FGF12: variants seen among roughly 807,000 people sequenced by gnomAD.
FGF12 encodes fibroblast growth factor 12B.
A neutral mutation model predicts 23.6 loss-of-function variants in FGF12; 14 were observed. That is an observed-to-expected ratio of 0.59 (90% confidence interval 0.39 to 0.93). The LOEUF (loss-of-function observed/expected upper bound fraction) is 0.93. Among genes scored for constraint, FGF12 ranks in the 40% least tolerant of loss-of-function variants. FGF12 has a pLI of 0.00. For synonymous variants in FGF12, 62 were observed against 77.3 expected (o/e 0.80, Z 1.04); for missense variants, 175 against 217.8 (o/e 0.80, Z 1.24).
intron 2 of FGF12, among the ~76,000 whole-genome samples, chr3:192,726,059 C>A (rs1411504212): frequency 1.3e-5 from 2 of 152,128 alleles, no homozygotes; most frequent in African/African-American, 4.8e-5. Context: ...TTAAATCTAC[C>A]AATTAAATAC....
chr3:192,595,866 G>A lies in FGF12; in HGVS notation c.13+131315C>T, dbSNP rs564062925. ...TCCCAGTACTTTGGGAGGCTGAGGT[G>A]GGTGGATTACTTGAGCTAAAGTTCA... On this transcript the variant is annotated intron_variant, in intron 2 of 5. Transcript: ENST00000445105. Among the ~76,000 whole-genome samples the A allele has an allele frequency of 8.5e-5, 13 of 152,152 alleles. No homozygotes were observed. The South Asian group carries it at 2.7e-3, about 32-fold the overall frequency.
intron 4 of FGF12, among the ~76,000 whole-genome samples, chr3:192,183,699 T>A (rs1716303653): frequency 6.6e-6 from 1 of 152,210 alleles, no homozygotes; most frequent in Admixed American, 6.5e-5. Context: ...CATCATAGAA[T>A]CCTTGAAATC....
intron 4 of FGF12, among the ~76,000 whole-genome samples, chr3:192,234,061 T>C (rs1719157326): frequency 6.6e-6 from 1 of 152,188 alleles, no homozygotes; most frequent in Non-Finnish European, 1.5e-5. Context: ...TTTAGGTTCA[T>C]ATGAATTTTA....
chr3:192,591,534 C>A (rs1259668746), intron 2 of FGF12, among the ~76,000 whole-genome samples: 1 of 151,732 alleles, frequency 6.6e-6, no homozygotes, highest in East Asian at 1.9e-4. Context: ...AATCTGGTTC[C>A]AATGGAGTTC....
chr3:192,356,805 A>G (rs1718491121), intron 3 of FGF12, among the ~76,000 whole-genome samples: 1 of 152,258 alleles, frequency 6.6e-6, no homozygotes, highest in African/African-American at 2.4e-5. Flanking sequence ...CACAAAGTAG[A>G]GAAAGAAAAG....
intron 2 of FGF12, among the ~76,000 whole-genome samples, chr3:192,368,593 C>T (rs912571975): frequency 2.0e-5 from 3 of 152,146 alleles, no homozygotes; most frequent in Non-Finnish European, 4.4e-5. Flanking sequence ...AGATTAGAGG[C>T]TCTCTGAAGA....
chr3:192,546,448 A>T (rs1187339078), intron 2 of FGF12, among the ~76,000 whole-genome samples: 1 of 151,222 alleles, frequency 6.6e-6, no homozygotes, highest in African/African-American at 2.4e-5. Flanking sequence ...CAAATTTTAG[A>T]ATCTGTAACA....
chr3:192,240,280 T>C (rs956611113), intron 4 of FGF12, among the ~76,000 whole-genome samples: 1 of 152,200 alleles, frequency 6.6e-6, no homozygotes, highest in African/African-American at 2.4e-5. Flanking sequence ...AGCCCAGCAG[T>C]GACAATAATT....
intron 2 of FGF12, among the ~76,000 whole-genome samples, chr3:192,506,984 T>C (rs1169761200): frequency 1.4e-5 from 2 of 146,686 alleles, no homozygotes; most frequent in Non-Finnish European, 1.5e-5. Context: ...CTCCGCCTCC[T>C]GGGTTCACGC....
chr3:192,696,369 G>C (rs896471134), intron 2 of FGF12, among the ~76,000 whole-genome samples: 1 of 152,086 alleles, frequency 6.6e-6, no homozygotes, highest in Non-Finnish European at 1.5e-5. Flanking sequence ...GCACCATGTG[G>C]GCAATGGCTG....
In FGF12 at chr3:192,420,287, A is replaced by G. The variant is rs74383650; in HGVS notation, c.14-59749T>C. 3.7e-4 allele frequency among the ~76,000 whole-genome samples: 56 copies of G among 151,164 alleles called. No homozygotes were observed. The East Asian group carries it at 0.011, about 30-fold the overall frequency. ...AGGTTAAGTGTTAGGCTCATATTAG[A>G]GAGTGTGAAAAGGAAATACTTACTT... On this transcript the variant is annotated intron_variant, in intron 2 of 5. Transcript: ENST00000445105.
intron 2 of FGF12, among the ~76,000 whole-genome samples, chr3:192,532,306 T>A (rs1725108823): frequency 6.6e-6 from 1 of 152,140 alleles, no homozygotes; most frequent in African/African-American, 2.4e-5. Flanking sequence ...GACCTTTCGA[T>A]GGGGATTGAA....
rs558868564 is a variant in FGF12, at chr3:192,677,562, C to T, written c.13+49619G>A. 4.9e-4 allele frequency among the ~76,000 whole-genome samples: 75 copies of T among 152,216 alleles called. 2 individuals are homozygous for T. In the Middle Eastern group the frequency reaches 0.054, roughly 110 times the overall value. ...AATATATTGGTTTTTCTTCTTCTAA[C>T]AGAAAGATACAAAAGGCTCCAAAGA... On this transcript the variant is annotated intron_variant, in intron 2 of 5. Coordinates refer to ENST00000445105, the MANE Select transcript of FGF12 (RefSeq NM_004113.6).
At chr3:192,279,676 T>C (rs1266080345) in intron 4 of FGF12, among the ~76,000 whole-genome samples, 1 of 152,150 alleles carries the variant, frequency 6.6e-6, no homozygotes, top group Non-Finnish European at 1.5e-5. Context: ...TAGATCAATT[T>C]GTGAGGACTC....
intron 4 of FGF12, among the ~76,000 whole-genome samples, chr3:192,188,409 G>A (rs1423950837): frequency 1.3e-5 from 2 of 152,158 alleles, no homozygotes; most frequent in Non-Finnish European, 2.9e-5. Flanking sequence ...ATTAGAGAAT[G>A]CCGCCACTAG....
intron 2 of FGF12, among the ~76,000 whole-genome samples, chr3:192,393,842 G>A (rs1720407044): frequency 6.6e-6 from 1 of 152,004 alleles, no homozygotes; most frequent in Non-Finnish European, 1.5e-5. Context: ...AGAATGTCAA[G>A]GCTGATATTT....
intron 4 of FGF12, among the ~76,000 whole-genome samples, chr3:192,292,967 T>G (rs570998487): frequency 3.2e-4 from 49 of 152,040 alleles, no homozygotes; most frequent in Non-Finnish European, 6.5e-4. Flanking sequence ...TTTTTTAAGA[T>G]GGGGGTCATG....
At chr3:192,413,164 T>G (rs4514998) in intron 2 of FGF12, among the ~76,000 whole-genome samples, 32,285 of 152,158 alleles carry the variant, frequency 0.21, 3,600 homozygotes, top group Admixed American at 0.3. Context: ...GGTCTTTTGC[T>G]TATTCATAGG....
At chr3:192,628,442 TACACACACAC>T (rs60991895) in intron 2 of FGF12, among the ~76,000 whole-genome samples, 44,334 of 134,826 alleles carry the variant, frequency 0.33, 8,170 homozygotes, top group Non-Finnish European at 0.43. Flanking sequence ...ACCAAAGGAA[TACACACACAC>T]ACACACACAC....
Sources: gnomAD v4.1 joint callset for allele counts (sites outside exome capture counted in the v4.1 genomes callset) on GRCh38, gnomAD v4.1.1 for gene constraint, MANE v1.5 for transcripts, NCBI Gene and HGNC (gene_info 2026-07-23, HGNC 2026-07-21) for gene names.